The following TENM2 variants were observed in gnomAD, a reference collection of about 807,000 sequenced individuals.
TENM2 encodes teneurin-2.
Under a neutral mutation model 245.2 loss-of-function variants are expected in TENM2, and 52 were observed. The observed-to-expected ratio is 0.21, with a 90% CI of 0.17 to 0.27. The LOEUF is 0.27. Ranked by LOEUF, TENM2 falls within the 10% of genes least tolerant of loss-of-function variation. The pLI is 1.00. For synonymous variants in TENM2, 1,363 were observed against 1,438.9 expected, an observed-to-expected ratio of 0.95 and a Z score of 1.19; for missense variants, 3,046 against 3,666.8, an observed-to-expected ratio of 0.83 and a Z score of 4.37.
At chr5:167,601,419 T>C (rs1427060422) in intron 2 of TENM2, among the ~76,000 whole-genome samples, 3 of 152,252 alleles carry the variant, frequency 2.0e-5, no homozygotes, top group Non-Finnish European at 4.4e-5. Flanking sequence ...GGGACAATGC[T>C]GGTCTACAAT....
chr5:167,417,511 CT>C (rs1241697602), intron 2 of TENM2, among the ~76,000 whole-genome samples: 1 of 152,108 alleles, frequency 6.6e-6, no homozygotes, highest in African/African-American at 2.4e-5. Flanking sequence ...AACTTATGTG[CT>C]TTTTCTCTCC....
At chr5:167,985,249 T>A (rs539719084) in intron 4 of TENM2, among the ~76,000 whole-genome samples, 4 of 152,318 alleles carry the variant, frequency 2.6e-5, no homozygotes, top group Non-Finnish European at 4.4e-5. Context: ...TAGCTTTTGA[T>A]CAAATTTCAG....
chr5:167,722,728 G>A (rs1200832671), intron 2 of TENM2, among the ~76,000 whole-genome samples: 1 of 152,026 alleles, frequency 6.6e-6, no homozygotes, highest in East Asian at 1.9e-4. Context: ...AGTGAGCCGA[G>A]ATTGCGCCAC....
intron 1 of TENM2, among the ~76,000 whole-genome samples, chr5:167,370,779 T>G (rs1015734799): frequency 6.6e-6 from 1 of 152,210 alleles, no homozygotes; most frequent in Non-Finnish European, 1.5e-5. Context: ...ACTGATATAT[T>G]GTGCCTCCTT....
intron 2 of TENM2, among the ~76,000 whole-genome samples, chr5:167,681,324 T>C (rs1756692025): frequency 6.6e-6 from 1 of 152,194 alleles, no homozygotes; most frequent in South Asian, 2.1e-4. Context: ...TAGCATATCA[T>C]GGCTATCTTT....
At chr5:168,158,585 T>C (rs1383447079) in intron 12 of TENM2, among the ~76,000 whole-genome samples, 1 of 151,546 alleles carries the variant, frequency 6.6e-6, no homozygotes, top group East Asian at 2.0e-4. Flanking sequence ...CTGTGCATTG[T>C]AGGATGTTGA....
Position 168,218,052 on chromosome 5 carries a change from C to T in TENM2, c.4234-73C>T. ...GTCTTTTTTCCTAGATATATAAAAC[C>T]AGTAAGTGCCGTACGGTTAAACGTT... On this transcript the variant is annotated intron_variant, in intron 22 of 28. Transcript: ENST00000518659. The surrounding 1 kb of genome is among the most constrained non-coding windows in gnomAD (Gnocchi z 5.2). 4.1e-6 allele frequency: 6 copies of T among 1,474,768 alleles called. No homozygotes were observed. The highest frequency in any genetic ancestry group is 2.8e-5 in the South Asian group (2 of 72,380). The allele number at this position is 1,474,768 out of a possible 1,614,324, so 91.4% of individuals were successfully genotyped here.
intron 5 of TENM2, among the ~76,000 whole-genome samples, chr5:168,034,093 GTATA>G (rs201397686): frequency 1.6e-5 from 2 of 122,510 alleles, no homozygotes; most frequent in South Asian, 2.9e-4. Context: ...ATATATATGT[GTATA>G]TATATATGTA....
intron 3 of TENM2, among the ~76,000 whole-genome samples, chr5:167,916,765 G>A (rs551159057): frequency 2.3e-3 from 348 of 152,240 alleles, no homozygotes; most frequent in South Asian, 0.012. Flanking sequence ...AAAATCCGTG[G>A]GAGGCCTCAC....
intron 3 of TENM2, among the ~76,000 whole-genome samples, chr5:167,887,311 C>G (rs946234923): frequency 2.0e-5 from 3 of 152,222 alleles, no homozygotes; most frequent in Non-Finnish European, 2.9e-5. Flanking sequence ...CTTTTTGTGT[C>G]CCTTAGCACA....
At chr5:167,802,774 G>A (rs1765875907) in intron 2 of TENM2, among the ~76,000 whole-genome samples, 1 of 152,242 alleles carries the variant, frequency 6.6e-6, no homozygotes, top group East Asian at 1.9e-4. Flanking sequence ...TTGTCATGGT[G>A]ATAAAGCACT....
intron 17 of TENM2, among the ~76,000 whole-genome samples, chr5:168,203,352 C>T (rs892665286): frequency 6.6e-6 from 1 of 152,246 alleles, no homozygotes; most frequent in African/African-American, 2.4e-5. Context: ...TCCTGTCCAT[C>T]TCTAAAGGGG....
At chr5:167,241,313 C>T in the TENM2 span, among the ~76,000 whole-genome samples, 2 of 152,118 alleles carry the variant, frequency 1.3e-5, no homozygotes, top group African/African-American at 4.8e-5. Flanking sequence ...TCCTTACAAA[C>T]ACTAAACAAA....
At chr5:167,492,096 A>G (rs1768467368) in intron 2 of TENM2, among the ~76,000 whole-genome samples, 1 of 152,152 alleles carries the variant, frequency 6.6e-6, no homozygotes, top group Non-Finnish European at 1.5e-5. Flanking sequence ...GCAAGAGAGA[A>G]GTTGTTGAGA....
intron 24 of TENM2, among the ~76,000 whole-genome samples, chr5:168,226,812 C>T (rs1387151660): frequency 6.6e-6 from 1 of 152,188 alleles, no homozygotes. Context: ...ACATGTTTTG[C>T]AGTCCAGGGC....
chr5:167,004,321 C>T, the TENM2 span, among the ~76,000 whole-genome samples: 1 of 152,142 alleles, frequency 6.6e-6, no homozygotes, highest in Non-Finnish European at 1.5e-5. Flanking sequence ...AGTTCAGTTT[C>T]TGTTTTTGAT....
intron 1 of TENM2, among the ~76,000 whole-genome samples, chr5:167,326,041 G>T (rs1757054973): frequency 6.6e-6 from 1 of 152,156 alleles, no homozygotes; most frequent in South Asian, 2.1e-4. Flanking sequence ...AGCATGAAGT[G>T]GGGGAAGAAG....
At chr5:168,118,918 G>GA (rs1795280513) in intron 10 of TENM2, among the ~76,000 whole-genome samples, 1 of 152,024 alleles carries the variant, frequency 6.6e-6, no homozygotes, top group African/African-American at 2.4e-5. Context: ...GCTATTCAGA[G>GA]AAAAGAAACA....
intron 2 of TENM2, among the ~76,000 whole-genome samples, chr5:167,498,548 C>T (rs1768962876): frequency 6.6e-6 from 1 of 152,116 alleles, no homozygotes; most frequent in South Asian, 2.1e-4. Flanking sequence ...CTGGTCTAAA[C>T]GTTTTGTTCT....
Sources: allele counts gnomAD v4.1 joint callset (sites outside exome capture counted in the v4.1 genomes callset), GRCh38; gene constraint gnomAD v4.1.1; non-coding constraint Gnocchi (gnomAD v3.1); transcripts MANE v1.5; gene names NCBI Gene and HGNC (gene_info 2026-07-23, HGNC 2026-07-21).